The following PDE4A variants were observed in gnomAD, a reference collection of about 807,000 sequenced individuals.
PDE4A encodes phosphodiesterase 4A.
PDE4A carries 21 observed loss-of-function variants against 73.9 expected under a neutral mutation model. The ratio of observed to expected loss-of-function variants is 0.28; its 90% CI spans 0.20 to 0.41. PDE4A has a LOEUF of 0.41. Ranked by LOEUF, PDE4A falls within the 10% of genes least tolerant of loss-of-function variation. The pLI is 1.00. For synonymous variants in PDE4A, 463 were observed against 505.4 expected (o/e 0.92, Z 1.13); for missense variants, 958 against 1,211.4 (o/e 0.79, Z 3.10).
chr19:10,464,104 T>C (rs1313467540), intron 14 of PDE4A, 129 bp downstream of exon 14: 1 of 1,303,030 alleles, frequency 7.7e-7, no homozygotes, highest in East Asian at 2.5e-5. Context: ...TTTTTGGTTT[T>C]GTTTTGTTTT....
In PDE4A at chr19:10,424,264, G is replaced by C. The variant is rs888729021; in HGVS notation, c.320+3180G>C. ...GTGGGGAGCTGTCTGAACTGGGGACGGGGCCAACATACGGACCCTGCGTCC... is the reference window on the plus strand; with the variant it reads ...GTGGGGAGCTGTCTGAACTGGGGACCGGGCCAACATACGGACCCTGCGTCC... On this transcript the variant is annotated intron_variant, in intron 1 of 14. Coordinates refer to ENST00000380702, the MANE Select transcript of PDE4A (RefSeq NM_001111307.2). This position sits in a 1 kb window ranked among gnomAD's most constrained non-coding sequence, Gnocchi z 4.8. Among the ~76,000 whole-genome samples the C allele has an allele frequency of 6.6e-6, 1 of 152,224 alleles. No individual in the cohort carries two copies. Among genetic ancestry groups the C allele is most frequent in the African/African-American group, 2.4e-5 (1 of 41,454 alleles).
chr19:10,433,674 C>T (rs2042824790), intron 1 of PDE4A, among the ~76,000 whole-genome samples: 1 of 152,224 alleles, frequency 6.6e-6, no homozygotes, highest in Admixed American at 6.5e-5. Context: ...CCCCCAGTCT[C>T]TTACATACTC....
chr19:10,429,525 A>G (rs1313791094), intron 1 of PDE4A, among the ~76,000 whole-genome samples: 1 of 152,036 alleles, frequency 6.6e-6, no homozygotes, highest in Admixed American at 6.6e-5. Flanking sequence ...TTTTGTAGAG[A>G]TGGGATCTCG....
At chr19:10,445,948 A>G (rs1045907770) in intron 1 of PDE4A, among the ~76,000 whole-genome samples, 1 of 146,190 alleles carries the variant, frequency 6.8e-6, no homozygotes, top group African/African-American at 2.5e-5. Context: ...AGTGATTCTC[A>G]TGCCTCAGCC....
Position 10,453,039 on chromosome 19 carries a change from G to A in PDE4A, c.784-1790G>A, listed in dbSNP as rs2043117120. The A allele has an allele frequency of 7.5e-7, 1 of 1,338,816 alleles. No homozygotes were observed. Among genetic ancestry groups the A allele is most frequent in the Non-Finnish European group, 9.6e-7 (1 of 1,046,560 alleles). The allele number at this position is 1,338,816 out of a possible 1,614,324, so 82.9% of individuals were successfully genotyped here. Reference sequence around the variant, plus strand: ...CACCGCCTCCACCCACTGCCGCGGGGGGGCCCGTTGGGGCCCAGGGCTGGC... The same window carrying A: ...CACCGCCTCCACCCACTGCCGCGGGAGGGCCCGTTGGGGCCCAGGGCTGGC... On this transcript the variant is annotated intron_variant, in intron 6 of 14. Coordinates refer to ENST00000380702, the MANE Select transcript of PDE4A (RefSeq NM_001111307.2). This position sits in a 1 kb window ranked among gnomAD's most constrained non-coding sequence, Gnocchi z 4.6.
intron 6 of PDE4A, chr19:10,452,865 A>ACCCCCCCCCCCCCCGCCCCC (rs1206765738): frequency 4.1e-6 from 1 of 243,680 alleles, no homozygotes; most frequent in Non-Finnish European, 6.6e-6. Flanking sequence ...CCCCTTTAAT[A>ACCCCCCCCCCCCCCGCCCCC]CCCCCCCACC....
intron 1 of PDE4A, 147 bp from the exon 2 acceptor site, chr19:10,446,071 C>T (rs1335590209): frequency 1.6e-6 from 2 of 1,270,868 alleles, no homozygotes; most frequent in Non-Finnish European, 2.1e-6. Flanking sequence ...CTCCTGACCT[C>T]AAGTGATTCA....
chr19:10,423,247 C>T lies in PDE4A; in HGVS notation c.320+2163C>T, dbSNP rs1008606367. ...GATCTCAGCTCACTGCAACCTCTGC[C>T]TTCCGGATTCAAGTGATTCTCCTGC... On this transcript the variant is annotated intron_variant, in intron 1 of 14. Transcript: ENST00000380702. 6.1e-6 allele frequency: 3 copies of T among 493,202 alleles called. No homozygotes were observed. In the African/African-American group the frequency reaches 6.4e-5, roughly 11 times the overall value. 30.6% of individuals were successfully genotyped at this position (493,202 alleles called of 1,614,324 possible).
chr19:10,449,148 C>T lies in PDE4A; in HGVS notation c.618C>T (p.Asn206=). 1 of 1,613,338 alleles carries T rather than the reference C, an allele frequency of 6.2e-7. No homozygotes were observed. Among genetic ancestry groups the T allele is most frequent in the Non-Finnish European group, 8.5e-7 (1 of 1,179,700 alleles). ...SLLTNVPVPS[N]KRSPLGGPTP... ...TGACCAATGTGCCCGTTCCCAGTAA[C>T]AAGTAAGTGAAGGCTGGGCTGCAAC... Residue 206 remains asparagine, a splice_region_variant and synonymous_variant, in exon 4 of 15, where the codon AAC becomes AAT. Coordinates refer to ENST00000380702, the MANE Select transcript of PDE4A (RefSeq NM_001111307.2).
At chr19:10,452,860 T>G in intron 6 of PDE4A, 40 of 369,444 alleles carry the variant, frequency 1.1e-4, no homozygotes, top group East Asian at 1.6e-4. Flanking sequence ...TGATGCCCCT[T>G]TAATACCCCC....
At chr19:10,445,100 G>A (rs2042986421) in intron 1 of PDE4A, among the ~76,000 whole-genome samples, 1 of 152,212 alleles carries the variant, frequency 6.6e-6, no homozygotes, top group Admixed American at 6.6e-5. Flanking sequence ...TTTGCCCAGA[G>A]TAAGGTGGGA....
At chr19:10,449,395 T>C (rs1475115474) in intron 4 of PDE4A, among the ~76,000 whole-genome samples, 1 of 152,200 alleles carries the variant, frequency 6.6e-6, no homozygotes, top group Non-Finnish European at 1.5e-5. Context: ...AGTCTCACTC[T>C]GTCACACAGG....
chr19:10,467,340 G>A lies in PDE4A; in HGVS notation c.2380G>A (p.Asp794Asn), dbSNP rs147623532. ...QSTGSAPVAPDEFSSREEFVV... is the reference protein window; with the variant it reads ...QSTGSAPVAPNEFSSREEFVV... ...CACAGGCAGTGCACCTGTGGCTCCG[G>A]ATGAGTTCTCGTCCCGGGAGGAATT... The change falls in exon 15 of 15, where the codon GAT becomes AAT. Residue 794 changes from aspartate (D) to asparagine (N), a missense_variant. Coordinates refer to ENST00000380702, the MANE Select transcript of PDE4A (RefSeq NM_001111307.2). 7.4e-6 allele frequency: 12 copies of A among 1,614,068 alleles called. No individual in the cohort carries two copies. Among genetic ancestry groups the A allele is most frequent in the Non-Finnish European group, 1.0e-5 (12 of 1,180,042 alleles).
chr19:10,465,346 G>C (rs140282815), intron 14 of PDE4A, among the ~76,000 whole-genome samples: 2 of 151,514 alleles, frequency 1.3e-5, no homozygotes, highest in African/African-American at 2.4e-5. Flanking sequence ...TCAGCCTCCC[G>C]AGAAGCTGGA....
chr19:10,462,033 A>T, intron 13 of PDE4A, 34 bp downstream of exon 13: 1 of 1,564,108 alleles, frequency 6.4e-7, no homozygotes, highest in Non-Finnish European at 8.8e-7. Context: ...AGGAGGGAGG[A>T]CACTCCCCCA....
chr19:10,425,083 G>C (rs917587113), intron 1 of PDE4A, among the ~76,000 whole-genome samples: 19 of 152,074 alleles, frequency 1.2e-4, no homozygotes, highest in Admixed American at 1.2e-3. Context: ...AATTAGCCGG[G>C]TATGGTGGCA....
At chr19:10,446,010 G>A (rs751628591) in intron 1 of PDE4A, 2 of 259,144 alleles carry the variant, frequency 7.7e-6, no homozygotes, top group Non-Finnish European at 1.2e-5. Flanking sequence ...GCTAATTTTT[G>A]TATTTTTAGT....
upstream of PDE4A, chr19:10,418,720 G>C (rs1325639798): frequency 3.1e-6 from 3 of 982,244 alleles, no homozygotes; most frequent in Non-Finnish European, 3.6e-6. Context: ...TGCAACCCCA[G>C]CTGTGTCCTG....
intron 1 of PDE4A, among the ~76,000 whole-genome samples, chr19:10,443,368 G>A (rs1425262470): frequency 1.3e-5 from 2 of 151,284 alleles, no homozygotes; most frequent in African/African-American, 4.9e-5. Context: ...AACATGGCGA[G>A]ACCCCATCTC....
Sources: gnomAD v4.1 joint callset for allele counts (sites outside exome capture counted in the v4.1 genomes callset) on GRCh38, gnomAD v4.1.1 for gene constraint, Gnocchi (gnomAD v3.1) non-coding constraint, MANE v1.5 for transcripts, NCBI Gene and HGNC (gene_info 2026-07-23, HGNC 2026-07-21) for gene names.